Variants in EHBP1 observed in about 807,000 individuals in gnomAD.
EHBP1 encodes EH domain-binding protein 1.
Under a neutral mutation model 144.0 loss-of-function variants are expected in EHBP1, and 55 were observed. The ratio of observed to expected loss-of-function variants is 0.38; its 90% CI spans 0.31 to 0.48. EHBP1 has a LOEUF of 0.48. Among genes scored for constraint, EHBP1 ranks in the 20% least tolerant of loss-of-function variants. EHBP1 has a pLI of 0.98. For missense variants in EHBP1, 1,200 were observed against 1,364.2 expected (o/e 0.88, Z 1.90); for synonymous variants, 469 against 472.7 (o/e 0.99, Z 0.10).
intron 18 of EHBP1, among the ~76,000 whole-genome samples, chr2:62,995,987 C>G (rs546962912): frequency 6.6e-6 from 1 of 152,110 alleles, no homozygotes; most frequent in East Asian, 1.9e-4. Context: ...AGGTTTGAAA[C>G]CACCTGTCAG....
At chr2:62,817,764 G>T (rs2045554311) in intron 5 of EHBP1, among the ~76,000 whole-genome samples, 1 of 151,994 alleles carries the variant, frequency 6.6e-6, no homozygotes, top group Non-Finnish European at 1.5e-5. Context: ...GTGTGTGCGT[G>T]TTCAGAGGGA....
chr2:62,972,092 G>T (rs1173558623), intron 14 of EHBP1, among the ~76,000 whole-genome samples: 1 of 152,110 alleles, frequency 6.6e-6, no homozygotes, highest in Non-Finnish European at 1.5e-5. Flanking sequence ...TTTCTAAGTT[G>T]CCTTACCTCT....
chr2:63,023,324 A>T (rs2060837119), intron 19 of EHBP1, among the ~76,000 whole-genome samples: 1 of 152,232 alleles, frequency 6.6e-6, no homozygotes, highest in South Asian at 2.1e-4. Context: ...AACAAAGATT[A>T]ATCAAAATAG....
In EHBP1 at chr2:63,038,930, AT is replaced by A. The variant is rs1574582839; in HGVS notation, c.3277+116del. 5.4e-6 allele frequency: 5 copies of A among 930,730 alleles called. No individual in the cohort carries two copies. In the East Asian group the frequency reaches 1.3e-4, roughly 23 times the overall value. The allele number at this position is 930,730 out of a possible 1,614,324, so 57.7% of individuals were successfully genotyped here. On this transcript the variant is annotated intron_variant, in intron 21 of 22. Transcript: ENST00000431489. ...TCTGGTGTACTAGGGACCTTCCGGA[AT>A]TGCAAATAAATGCCGTGGAGGCAGA...
Position 62,747,674 on chromosome 2 carries a change from G to A in EHBP1, c.162+222G>A, listed in dbSNP as rs143160795. Among the ~76,000 whole-genome samples the A allele has an allele frequency of 4.3e-4, 65 of 151,640 alleles. 1 individual carries two copies. Among genetic ancestry groups the A allele is most frequent in the African/African-American group, 1.4e-3 (57 of 41,386 alleles). On this transcript the variant is annotated intron_variant, in intron 3 of 22. Transcript: ENST00000431489. Reference sequence around the variant, plus strand: ...TGGTCTTGGATTTGGTAATTACTATGGTTTGAAAAAAATCAGGTGTTGCCA... The same window carrying A: ...TGGTCTTGGATTTGGTAATTACTATAGTTTGAAAAAAATCAGGTGTTGCCA...
chr2:62,850,817 G>T (rs904495113), intron 7 of EHBP1, among the ~76,000 whole-genome samples: 12 of 152,042 alleles, frequency 7.9e-5, no homozygotes, highest in African/African-American at 2.9e-4. Context: ...GATTGTAAAA[G>T]TAAAACATTG....
At chr2:62,938,458 A>G (rs2153061409) in intron 10 of EHBP1, among the ~76,000 whole-genome samples, 1 of 152,324 alleles carries the variant, frequency 6.6e-6, no homozygotes, top group East Asian at 1.9e-4. Flanking sequence ...TCTTATTAAA[A>G]TTTAAGAAAA....
chr2:62,766,897 C>G (rs1463728794), intron 4 of EHBP1, among the ~76,000 whole-genome samples: 1 of 150,386 alleles, frequency 6.6e-6, no homozygotes, highest in Non-Finnish European at 1.5e-5. Flanking sequence ...TCTACAATCC[C>G]TTATATACTA....
At chr2:63,017,823 T>A (rs1490604985) in intron 19 of EHBP1, among the ~76,000 whole-genome samples, 1 of 152,200 alleles carries the variant, frequency 6.6e-6, no homozygotes, top group Non-Finnish European at 1.5e-5. Context: ...TAATCAATAA[T>A]GAACAGACAT....
chr2:62,875,862 A>G (rs1020057291), intron 10 of EHBP1, among the ~76,000 whole-genome samples: 1 of 152,382 alleles, frequency 6.6e-6, no homozygotes, highest in Admixed American at 6.5e-5. Flanking sequence ...ACAGCAGAAT[A>G]GACCAAGCTG....
At chr2:62,744,193 A>G (rs1199428115) in intron 2 of EHBP1, among the ~76,000 whole-genome samples, 1 of 152,134 alleles carries the variant, frequency 6.6e-6, no homozygotes, top group Non-Finnish European at 1.5e-5. Flanking sequence ...TGTGTATCAT[A>G]TATAGGGTTA....
intron 10 of EHBP1, among the ~76,000 whole-genome samples, chr2:62,932,238 T>C (rs896830206): frequency 6.6e-6 from 1 of 150,530 alleles, no homozygotes; most frequent in Non-Finnish European, 1.5e-5. Flanking sequence ...CCCAAAATAA[T>C]TGAAAACAGA....
chr2:62,765,405 T>A (rs2041101486), intron 4 of EHBP1, among the ~76,000 whole-genome samples: 1 of 152,156 alleles, frequency 6.6e-6, no homozygotes, highest in South Asian at 2.1e-4. Flanking sequence ...TGTTAAATAT[T>A]TATTAATTTA....
intron 5 of EHBP1, among the ~76,000 whole-genome samples, chr2:62,792,532 T>C (rs568141140): frequency 1.3e-5 from 2 of 152,226 alleles, no homozygotes; most frequent in East Asian, 3.9e-4. Flanking sequence ...TCCTCAATGA[T>C]GTTTGATAAA....
intron 1 of EHBP1, among the ~76,000 whole-genome samples, chr2:62,696,616 C>A (rs1354247390): frequency 6.9e-6 from 1 of 145,866 alleles, no homozygotes; most frequent in African/African-American, 2.5e-5. Flanking sequence ...CGGGTTCATG[C>A]CATTCTCCTG....
chr2:62,753,620 C>T (rs906410654), intron 3 of EHBP1, among the ~76,000 whole-genome samples: 2 of 152,140 alleles, frequency 1.3e-5, no homozygotes, highest in Non-Finnish European at 2.9e-5. Flanking sequence ...TCCATTCTCC[C>T]TGTCACTCTC....
At chr2:62,924,714 A>T (rs961729233) in intron 10 of EHBP1, among the ~76,000 whole-genome samples, 1 of 152,244 alleles carries the variant, frequency 6.6e-6, no homozygotes, top group Non-Finnish European at 1.5e-5. Context: ...AATATAAAGT[A>T]TTCCAACAAT....
At chr2:62,776,199 T>G (rs1482091346) in intron 5 of EHBP1, among the ~76,000 whole-genome samples, 3 of 152,196 alleles carry the variant, frequency 2.0e-5, no homozygotes, top group Non-Finnish European at 2.9e-5. Flanking sequence ...TATTTTCATT[T>G]TATTGGTTCT....
chr2:62,773,067 A>G (rs1211792176), intron 5 of EHBP1, among the ~76,000 whole-genome samples: 3 of 152,244 alleles, frequency 2.0e-5, no homozygotes, highest in Admixed American at 6.5e-5. Flanking sequence ...ACTCAAGAGA[A>G]TACACTAATT....
Sources: gnomAD v4.1 joint callset for allele counts (sites outside exome capture counted in the v4.1 genomes callset) on GRCh38, gnomAD v4.1.1 for gene constraint, MANE v1.5 for transcripts, NCBI Gene and HGNC (gene_info 2026-07-23, HGNC 2026-07-21) for gene names.